Variants in FAM120A observed in about 807,000 individuals in gnomAD.
FAM120A encodes the protein constitutive coactivator of PPAR-gamma-like protein 1.
A neutral mutation model predicts 109.7 loss-of-function variants in FAM120A; 15 were observed. The observed-to-expected ratio is 0.14, with a 90% CI of 0.09 to 0.21. The LOEUF is 0.21. FAM120A is among the 10% of genes least tolerant of loss of function. FAM120A has a pLI of 1.00. For synonymous variants in FAM120A, 493 were observed against 572.8 expected, an observed-to-expected ratio of 0.86 and a Z score of 1.99; for missense variants, 899 against 1,439.3, an observed-to-expected ratio of 0.62 and a Z score of 6.07.
At chr9:93,485,806 A>G (rs1310725919) in intron 3 of FAM120A, among the ~76,000 whole-genome samples, 1 of 152,028 alleles carries the variant, frequency 6.6e-6, no homozygotes, top group Non-Finnish European at 1.5e-5. Flanking sequence ...CTTTCCCTCT[A>G]CAACCCCTTG....
chr9:93,538,528 C>T (rs1302381015), intron 10 of FAM120A, among the ~76,000 whole-genome samples: 2 of 152,160 alleles, frequency 1.3e-5, no homozygotes, highest in Admixed American at 6.5e-5. Context: ...TACACACAAC[C>T]AGAAGTCTAG....
At chr9:93,558,807 A>G (rs1862381695) in intron 15 of FAM120A, 89 bp downstream of exon 15, 4 of 1,454,926 alleles carry the variant, frequency 2.7e-6, no homozygotes, top group Non-Finnish European at 3.7e-6. Context: ...TACTGTCCTC[A>G]TGAGCCCCTC....
chr9:93,477,907 G>A (rs1196390631), intron 3 of FAM120A, among the ~76,000 whole-genome samples: 3 of 152,208 alleles, frequency 2.0e-5, no homozygotes, highest in Admixed American at 1.3e-4. Flanking sequence ...GTATTGAAAT[G>A]TGGAAAGAAT....
intron 1 of FAM120A, 35 bp from the exon 2 acceptor site, chr9:93,471,106 C>CCTACAT: frequency 6.2e-7 from 1 of 1,611,746 alleles, no homozygotes; most frequent in Non-Finnish European, 8.5e-7. Flanking sequence ...ACAGTGTTAC[C>CCTACAT]CTACATCTGA....
intron 11 of FAM120A, among the ~76,000 whole-genome samples, chr9:93,545,893 C>A (rs914228509): frequency 1.4e-5 from 2 of 142,050 alleles, no homozygotes; most frequent in Non-Finnish European, 3.0e-5. Context: ...TCAAGTGATT[C>A]TCCTGCCTCA....
chr9:93,511,552 C>T (rs1480877329), intron 5 of FAM120A, among the ~76,000 whole-genome samples: 7 of 152,222 alleles, frequency 4.6e-5, no homozygotes, highest in Admixed American at 2.6e-4. Flanking sequence ...TGTAGTGTAA[C>T]GGGAACAGGT....
chr9:93,456,025 CAGT>C (rs2131192198), intron 1 of FAM120A, among the ~76,000 whole-genome samples: 1 of 152,054 alleles, frequency 6.6e-6, no homozygotes, highest in South Asian at 2.1e-4. Context: ...TTTTTTTGTT[CAGT>C]AGTAGTAATT....
chr9:93,487,965 C>A (rs1014529896), intron 3 of FAM120A, among the ~76,000 whole-genome samples: 7 of 152,230 alleles, frequency 4.6e-5, no homozygotes, highest in African/African-American at 1.4e-4. Flanking sequence ...TTTCACACTG[C>A]TTTCTCTTAG....
chr9:93,517,998 T>C (rs1172828815), intron 7 of FAM120A, among the ~76,000 whole-genome samples: 1 of 152,226 alleles, frequency 6.6e-6, no homozygotes, highest in Non-Finnish European at 1.5e-5. Flanking sequence ...TTATTCCTGG[T>C]ATGGCATCTT....
At chr9:93,506,153 G>A (rs1422634046) in intron 5 of FAM120A, among the ~76,000 whole-genome samples, 1 of 152,170 alleles carries the variant, frequency 6.6e-6, no homozygotes, top group Non-Finnish European at 1.5e-5. Flanking sequence ...AAGAGGTCGA[G>A]ACTGTTCTTG....
intron 3 of FAM120A, among the ~76,000 whole-genome samples, chr9:93,495,305 A>C (rs1564326367): frequency 6.6e-6 from 1 of 152,242 alleles, no homozygotes; most frequent in Non-Finnish European, 1.5e-5. Flanking sequence ...AAGATATGTT[A>C]GCTAATATAC....
At chr9:93,469,760 T>C (rs1192742477) in intron 1 of FAM120A, among the ~76,000 whole-genome samples, 2 of 152,234 alleles carry the variant, frequency 1.3e-5, no homozygotes, top group Non-Finnish European at 2.9e-5. Context: ...AGTAAAATGT[T>C]TTTATGGAAA....
chr9:93,485,022 C>A (rs1858981702), intron 3 of FAM120A, among the ~76,000 whole-genome samples: 1 of 152,234 alleles, frequency 6.6e-6, no homozygotes, highest in African/African-American at 2.4e-5. Context: ...ACCAGGCTTT[C>A]TCCATCACTT....
chr9:93,467,607 G>A (rs1858107578), intron 1 of FAM120A, among the ~76,000 whole-genome samples: 1 of 152,106 alleles, frequency 6.6e-6, no homozygotes, highest in Non-Finnish European at 1.5e-5. Context: ...CTTTGCTGCA[G>A]GTGTGAAGCT....
chr9:93,491,250 A>G (rs531061545), intron 3 of FAM120A, among the ~76,000 whole-genome samples: 1 of 152,170 alleles, frequency 6.6e-6, no homozygotes, highest in Non-Finnish European at 1.5e-5. Flanking sequence ...TTTAAAAAAC[A>G]AAACAAAGGT....
intron 3 of FAM120A, among the ~76,000 whole-genome samples, chr9:93,496,499 AC>A (rs1388394528): frequency 6.6e-6 from 1 of 152,220 alleles, no homozygotes; most frequent in Admixed American, 6.5e-5. Context: ...TTGTATGTTA[AC>A]ATGCAAGGGC....
In FAM120A at chr9:93,451,846, C is replaced by G; in HGVS notation, c.-70C>G. ...GCCCCCGCCCGCCAGCCCGCCCGCG[C>G]GCCACGGCCCCACCACCCCCGGCCC... On this transcript the variant is annotated 5_prime_UTR_variant, in exon 1 of 18. Transcript: ENST00000277165. 2.1e-6 allele frequency: 2 copies of G among 967,246 alleles called. No homozygotes were observed. The highest frequency in any genetic ancestry group is 2.5e-6 in the Non-Finnish European group (2 of 816,204). The allele number at this position is 967,246 out of a possible 1,614,324, so 59.9% of individuals were successfully genotyped here.
At chr9:93,470,573 G>C (rs1336599170) in intron 1 of FAM120A, among the ~76,000 whole-genome samples, 1 of 152,160 alleles carries the variant, frequency 6.6e-6, no homozygotes, top group Non-Finnish European at 1.5e-5. Context: ...TTACATTGAG[G>C]GTGAACGTGT....
intron 10 of FAM120A, among the ~76,000 whole-genome samples, chr9:93,542,544 T>C (rs1057093240): frequency 3.3e-5 from 5 of 152,250 alleles, no homozygotes; most frequent in African/African-American, 9.6e-5. Context: ...TTACATCAAC[T>C]TAGAACTTCT....
Sources: gnomAD v4.1 joint callset for allele counts (sites outside exome capture counted in the v4.1 genomes callset) on GRCh38, gnomAD v4.1.1 for gene constraint, MANE v1.5 for transcripts, NCBI Gene and HGNC (gene_info 2026-07-23, HGNC 2026-07-21) for gene names.